Variants in C19orf18 observed in about 807,000 individuals in gnomAD.
C19orf18 encodes uncharacterized protein C19orf18.
Under a neutral mutation model 23.3 loss-of-function variants are expected in C19orf18, and 21 were observed. The observed-to-expected ratio is 0.90, with a 90% CI of 0.64 to 1.30. The LOEUF is 1.30. Among genes scored for constraint, C19orf18 ranks in the 50% most tolerant of loss-of-function variants. The probability of loss-of-function intolerance (pLI) is 0.00; values close to 1 mark genes in which losing one functional copy is unlikely to be tolerated. For synonymous variants in C19orf18, 96 were observed against 95.2 expected (o/e 1.01, Z -0.05); for missense variants, 249 against 259.6 (o/e 0.96, Z 0.28).
chr19:57,961,182 C>A (rs955627732), intron 5 of C19orf18, among the ~76,000 whole-genome samples: 1 of 151,310 alleles, frequency 6.6e-6, no homozygotes, highest in African/African-American at 2.4e-5. Flanking sequence ...TTGCAGTGAG[C>A]AGAGATCGCG....
At chr19:57,971,239 A>G (rs753325515) in intron 3 of C19orf18, among the ~76,000 whole-genome samples, 1 of 152,086 alleles carries the variant, frequency 6.6e-6, no homozygotes, top group Non-Finnish European at 1.5e-5. Flanking sequence ...TCCTGAAGAT[A>G]GTAAACCCTG....
chr19:57,971,477 TG>T (rs561292618), intron 3 of C19orf18, among the ~76,000 whole-genome samples: 8,124 of 69,042 alleles, frequency 0.12, 317 homozygotes, highest in Middle Eastern at 0.19. Context: ...AGAATAAAGT[TG>T]TTTTTTTTAA....
intron 4 of C19orf18, among the ~76,000 whole-genome samples, chr19:57,964,577 C>G (rs972797122): frequency 3.3e-5 from 5 of 152,162 alleles, no homozygotes; most frequent in Non-Finnish European, 7.3e-5. Flanking sequence ...CCAATGCCCC[C>G]GGCCTATACA....
chr19:57,965,465 G>A (rs1568567142), intron 4 of C19orf18, among the ~76,000 whole-genome samples: 2 of 152,282 alleles, frequency 1.3e-5, no homozygotes, highest in East Asian at 3.9e-4. Flanking sequence ...CAAATTCTGG[G>A]GTCTGGGAAT....
intron 3 of C19orf18, among the ~76,000 whole-genome samples, chr19:57,969,566 G>GAAAAAAAAAAAAA (rs59100128): frequency 1.7e-3 from 78 of 46,498 alleles, no homozygotes; most frequent in East Asian, 3.7e-3. Flanking sequence ...AAAAAAAACA[G>GAAAAAAAAAAAAA]AAAAAAAAAA....
In C19orf18 at chr19:57,961,517, C is replaced by T. The variant is rs775940159; in HGVS notation, c.406G>A (p.Glu136Lys). Reference sequence around the variant, plus strand: ...ATCCTGAGGTTCTTATAAAGTGACTCGAGCTGTTGTCTTTCCTCAGCCTGT... The same window carrying T: ...ATCCTGAGGTTCTTATAAAGTGACTTGAGCTGTTGTCTTTCCTCAGCCTGT... ...LAQAEERQQL[E>K]SLYKNLRIPL... Residue 136 changes from glutamate (E) to lysine (K), a missense_variant, in exon 5 of 6, where the codon GAG becomes AAG. Physicochemically the swap from Glu to Lys is moderately conservative, Grantham distance 56. Coordinates refer to ENST00000314391, the MANE Select transcript of C19orf18 (RefSeq NM_152474.5). 11 of 1,613,796 alleles carry T rather than the reference C, an allele frequency of 6.8e-6. No homozygotes were observed. Among genetic ancestry groups the T allele is most frequent in the South Asian group, 2.2e-5 (2 of 91,070 alleles).
At chr19:57,968,671 T>C (rs2123229657) in intron 3 of C19orf18, among the ~76,000 whole-genome samples, 1 of 152,230 alleles carries the variant, frequency 6.6e-6, no homozygotes, top group Non-Finnish European at 1.5e-5. Flanking sequence ...GGAAAATGAA[T>C]AGCATATTTT....
intron 3 of C19orf18, among the ~76,000 whole-genome samples, chr19:57,970,455 G>A (rs1178753951): frequency 2.0e-5 from 3 of 152,088 alleles, no homozygotes; most frequent in Non-Finnish European, 4.4e-5. Flanking sequence ...AGTGTCTCGT[G>A]GGTGGACATC....
intron 5 of C19orf18, among the ~76,000 whole-genome samples, chr19:57,960,093 A>G (rs978530546): frequency 1.7e-4 from 26 of 149,624 alleles, no homozygotes; most frequent in African/African-American, 6.5e-4. Flanking sequence ...TGGGTGACAT[A>G]GGGAGACTCT....
At chr19:57,972,966 G>A (rs1372166403) in intron 2 of C19orf18, among the ~76,000 whole-genome samples, 1 of 151,664 alleles carries the variant, frequency 6.6e-6, no homozygotes, top group Non-Finnish European at 1.5e-5. Context: ...TGACCAACAT[G>A]GTGAAACCCC....
intron 3 of C19orf18, among the ~76,000 whole-genome samples, chr19:57,967,030 G>A (rs1328252866): frequency 6.6e-6 from 1 of 151,158 alleles, no homozygotes; most frequent in African/African-American, 2.4e-5. Context: ...TTTTCAGTGA[G>A]CCGAGATCAT....
intron 4 of C19orf18, among the ~76,000 whole-genome samples, chr19:57,962,207 TA>T (rs2072878188): frequency 6.6e-6 from 1 of 151,928 alleles, no homozygotes; most frequent in African/African-American, 2.4e-5. Flanking sequence ...ATTATTTTTG[TA>T]TTTTTTTTTT....
At chr19:57,971,282 C>T (rs1415884847) in intron 3 of C19orf18, among the ~76,000 whole-genome samples, 1 of 151,752 alleles carries the variant, frequency 6.6e-6, no homozygotes, top group Non-Finnish European at 1.5e-5. Flanking sequence ...TGCAAGCCGA[C>T]ACACCCAAAG....
Position 57,958,619 on chromosome 19 carries a change from T to C in C19orf18, c.631A>G (p.Lys211Glu). The C allele has an allele frequency of 6.2e-7, 1 of 1,604,694 alleles. No homozygotes were observed. Residue 211 changes from lysine (K) to glutamate (E), a missense_variant, in exon 6 of 6, where the codon AAA becomes GAA. Transcript: ENST00000314391. ...NKTKNASHNG[K>E]MEDL ...GTCTGCGTTCACAAGTCTTCCATTTTTCCATTATGTGACGCATTCTTTGTT... is the reference window on the plus strand; with the variant it reads ...GTCTGCGTTCACAAGTCTTCCATTTCTCCATTATGTGACGCATTCTTTGTT...
In C19orf18 at chr19:57,964,604, G is replaced by A. The variant is rs188623150; in HGVS notation, c.371+1926C>T. ...GCCTATACATTTACATAAATTAAGC[G>A]GATGTAGTGGAGATAACCCACAACC... On this transcript the variant is annotated intron_variant, in intron 4 of 5. Transcript: ENST00000314391. Among the ~76,000 whole-genome samples, 32 of 152,156 alleles carry A rather than the reference G, an allele frequency of 2.1e-4. No homozygotes were observed. The East Asian group carries it at 4.4e-3, about 21-fold the overall frequency.
chr19:57,970,343 T>A (rs1297804506), intron 3 of C19orf18, among the ~76,000 whole-genome samples: 1 of 152,228 alleles, frequency 6.6e-6, no homozygotes, highest in African/African-American at 2.4e-5. Context: ...ACTCGTCTCA[T>A]ATGGAAAATG....
intron 3 of C19orf18, among the ~76,000 whole-genome samples, chr19:57,969,566 G>GAAAAAAAAAAAAAAAA (rs59100128): frequency 3.4e-4 from 16 of 46,502 alleles, no homozygotes; most frequent in African/African-American, 6.6e-4. Context: ...AAAAAAAACA[G>GAAAAAAAAAAAAAAAA]AAAAAAAAAA....
At chr19:57,972,325 G>T in intron 3 of C19orf18, 138 bp downstream of exon 3, 2 of 1,000,412 alleles carry the variant, frequency 2.0e-6, no homozygotes, top group Non-Finnish European at 1.5e-6. Context: ...CCTCCAGAGG[G>T]GGCACCTTGT....
intron 3 of C19orf18, 40 bp from the exon 4 acceptor site, chr19:57,966,672 C>T: frequency 7.2e-7 from 1 of 1,388,086 alleles, no homozygotes; most frequent in Non-Finnish European, 1.0e-6. Flanking sequence ...CAAAAATGTT[C>T]ATTTTAGCTA....
Sources: allele counts gnomAD v4.1 joint callset (sites outside exome capture counted in the v4.1 genomes callset), GRCh38; gene constraint gnomAD v4.1.1; transcripts MANE v1.5; gene names NCBI Gene and HGNC (gene_info 2026-07-23, HGNC 2026-07-21).